Variants in ANKRD11 observed in about 807,000 individuals in gnomAD.
ANKRD11 encodes the protein ankyrin repeat domain 11.
ANKRD11 carries 17 observed loss-of-function variants against 195.7 expected under a neutral mutation model. The observed-to-expected ratio is 0.09, with a 90% CI of 0.06 to 0.13. The LOEUF is 0.13. Among genes scored for constraint, ANKRD11 ranks in the 10% least tolerant of loss-of-function variants. ANKRD11 has a pLI of 1.00. For missense variants in ANKRD11, 3,735 were observed against 3,566.1 expected, an observed-to-expected ratio of 1.05 and a Z score of -1.21; for synonymous variants, 1,953 against 1,528.1, an observed-to-expected ratio of 1.28 and a Z score of -6.49.
intron 1 of ANKRD11, among the ~76,000 whole-genome samples, chr16:89,423,057 G>A (rs2042577263): frequency 2.0e-5 from 3 of 152,132 alleles, no homozygotes; most frequent in Non-Finnish European, 2.9e-5. Flanking sequence ...GCCCCACACC[G>A]CTGCTCCTTC....
intron 1 of ANKRD11, chr16:89,489,301 G>A (rs1458463403): frequency 2.0e-5 from 3 of 152,136 alleles, no homozygotes; most frequent in Non-Finnish European, 4.4e-5. Context: ...ATGAAATGAG[G>A]AACGGAAATT....
chr16:89,427,894 G>A (rs1418291235), intron 1 of ANKRD11, among the ~76,000 whole-genome samples: 1 of 152,010 alleles, frequency 6.6e-6, no homozygotes, highest in African/African-American at 2.4e-5. Context: ...TGATTTGACA[G>A]TTTTTTTAAA....
chr16:89,326,757 C>G (rs975966510), intron 2 of ANKRD11, among the ~76,000 whole-genome samples: 2 of 152,178 alleles, frequency 1.3e-5, no homozygotes, highest in South Asian at 2.1e-4. Context: ...AACCCAAACC[C>G]CAAACCAAAA....
At chr16:89,324,575 G>A (rs759678953) in intron 2 of ANKRD11, 6 of 453,886 alleles carry the variant, frequency 1.3e-5, no homozygotes, top group Middle Eastern at 3.2e-4. Context: ...CCTCCATCTG[G>A]GGGGGCATGA....
chr16:89,270,265 A>C (rs1895510760), intron 12 of ANKRD11: 1 of 209,978 alleles, frequency 4.8e-6, no homozygotes, highest in South Asian at 7.8e-5. Flanking sequence ...CTGATACTGC[A>C]GGTAGCCGGG....
intron 2 of ANKRD11, among the ~76,000 whole-genome samples, chr16:89,342,930 C>G (rs942929320): frequency 2.0e-5 from 3 of 152,340 alleles, no homozygotes; most frequent in African/African-American, 7.2e-5. Context: ...GAGCCCAAAA[C>G]AGGCATCATT....
intron 2 of ANKRD11, among the ~76,000 whole-genome samples, chr16:89,390,579 G>T (rs2041146438): frequency 6.6e-6 from 1 of 152,128 alleles, no homozygotes; most frequent in African/African-American, 2.4e-5. Flanking sequence ...AAAACATGGA[G>T]AACCTGACCA....
intron 1 of ANKRD11, among the ~76,000 whole-genome samples, chr16:89,461,673 C>G (rs973639881): frequency 1.3e-5 from 2 of 152,128 alleles, no homozygotes; most frequent in Non-Finnish European, 2.9e-5. Flanking sequence ...ATTTACTAAA[C>G]AAGGAAAAGC....
At chr16:89,461,808 T>A (rs2056679983) in intron 1 of ANKRD11, among the ~76,000 whole-genome samples, 1 of 152,178 alleles carries the variant, frequency 6.6e-6, no homozygotes, top group Non-Finnish European at 1.5e-5. Context: ...CATTAAAACA[T>A]TAAGTTTTGA....
At chr16:89,339,163 A>C (rs2038532797) in intron 2 of ANKRD11, among the ~76,000 whole-genome samples, 1 of 152,182 alleles carries the variant, frequency 6.6e-6, no homozygotes, top group Non-Finnish European at 1.5e-5. Flanking sequence ...TCCATATCCC[A>C]TCTAGAAACT....
chr16:89,329,250 A>C (rs1361307601), intron 2 of ANKRD11, among the ~76,000 whole-genome samples: 2 of 152,212 alleles, frequency 1.3e-5, no homozygotes, highest in African/African-American at 2.4e-5. Context: ...ATCCAGGATA[A>C]GACGGGGGAT....
rs34592614 is a variant in ANKRD11, at chr16:89,349,861, AACACACACACACACACACACACAC to A, written c.-59-32807_-59-32784del. Among the ~76,000 whole-genome samples the A allele has an allele frequency of 3.2e-3, 420 of 133,242 alleles. 2 individuals are homozygous for A. The highest frequency in any genetic ancestry group is 0.016 in the South Asian group (63 of 4,034). 87.4% of individuals were successfully genotyped at this position (133,242 alleles called of 152,430 possible). The stretch of plus-strand genomic sequence containing the variant: ...AAAATACAGGCCAAATACTTGTTAA[AACACACACACACACACACACACAC>A]ACACACACACACACACACACACACA... On this transcript the variant is annotated intron_variant, in intron 2 of 12. Coordinates refer to ENST00000301030, the MANE Select transcript of ANKRD11 (RefSeq NM_013275.6).
At chr16:89,399,115 G>C (rs1458379924) in intron 2 of ANKRD11, among the ~76,000 whole-genome samples, 1 of 152,156 alleles carries the variant, frequency 6.6e-6, no homozygotes, top group Non-Finnish European at 1.5e-5. Flanking sequence ...CACAGCCCAG[G>C]TGGCTCCGAA....
At chr16:89,326,386 C>CA (rs2037721134) in intron 2 of ANKRD11, among the ~76,000 whole-genome samples, 1 of 151,894 alleles carries the variant, frequency 6.6e-6, no homozygotes, top group Non-Finnish European at 1.5e-5. Context: ...CCGCCCCCCC[C>CA]ACCCCGCTGC....
intron 2 of ANKRD11, among the ~76,000 whole-genome samples, chr16:89,368,237 C>A (rs955758908): frequency 1.3e-5 from 2 of 151,828 alleles, no homozygotes; most frequent in Non-Finnish European, 2.9e-5. Flanking sequence ...GCTCTGTTGC[C>A]CAGGCCAGAC....
intron 11 of ANKRD11, chr16:89,272,871 C>T (rs1026993402): frequency 6.6e-6 from 1 of 152,074 alleles, no homozygotes; most frequent in Non-Finnish European, 1.5e-5. Context: ...GAACTGGGGT[C>T]ATGATGTTAA....
intron 3 of ANKRD11, chr16:89,313,339 C>T (rs767429865): frequency 1.6e-4 from 206 of 1,287,348 alleles, no homozygotes; most frequent in East Asian, 5.5e-4. Context: ...ACACACTCAA[C>T]GATGCAGACA....
rs542791756 is a variant in ANKRD11, at chr16:89,349,299, T to A, written c.-59-32221A>T. On this transcript the variant is annotated intron_variant, in intron 2 of 12. Transcript: ENST00000301030. ...ATCCCAGCACTTTGGGAGAACACGG[T>A]GAAACCCCATCTCTACTCAAAATAC... is the stretch of plus-strand genomic sequence containing the variant. 2.0e-3 allele frequency among the ~76,000 whole-genome samples: 303 copies of A among 151,856 alleles called. 3 individuals carry two copies. Among genetic ancestry groups the A allele is most frequent in the African/African-American group, 6.7e-3 (278 of 41,386 alleles).
At chr16:89,388,760 A>C (rs1036406114) in intron 2 of ANKRD11, among the ~76,000 whole-genome samples, 4 of 152,206 alleles carry the variant, frequency 2.6e-5, no homozygotes, top group African/African-American at 7.2e-5. Context: ...GAATGGTGCC[A>C]CTGCCCAGCC....
Sources: gnomAD v4.1 joint callset for allele counts (sites outside exome capture counted in the v4.1 genomes callset) on GRCh38, gnomAD v4.1.1 for gene constraint, MANE v1.5 for transcripts, NCBI Gene and HGNC (gene_info 2026-07-23, HGNC 2026-07-21) for gene names.